The following TMPRSS15 variants were observed in gnomAD, a reference collection of about 807,000 sequenced individuals.
TMPRSS15 encodes enteropeptidase.
A neutral mutation model predicts 125.3 loss-of-function variants in TMPRSS15; 128 were observed. The observed-to-expected ratio is 1.02, with a 90% CI of 0.89 to 1.18. TMPRSS15 has a LOEUF of 1.18. Ranked by LOEUF, TMPRSS15 falls within the 50% of genes most tolerant of loss-of-function variation. The pLI is 0.00. For synonymous variants in TMPRSS15, 446 were observed against 423.2 expected (o/e 1.05, Z -0.66); for missense variants, 1,283 against 1,212.7 (o/e 1.06, Z -0.86).
At chr21:18,418,059 C>T (rs1425253918) in intron 1 of TMPRSS15, among the ~76,000 whole-genome samples, 1 of 152,188 alleles carries the variant, frequency 6.6e-6, no homozygotes, top group East Asian at 1.9e-4. Context: ...TGGTCTCTTT[C>T]TTCAGCTAAA....
chr21:18,271,318 T>G (rs971945831), intron 24 of TMPRSS15, among the ~76,000 whole-genome samples: 1 of 152,230 alleles, frequency 6.6e-6, no homozygotes, highest in Non-Finnish European at 1.5e-5. Flanking sequence ...AAACTTCAGC[T>G]GTTTGGATAT....
At chr21:18,369,973 C>CAAA (rs148057792) in intron 6 of TMPRSS15, among the ~76,000 whole-genome samples, 22,025 of 135,864 alleles carry the variant, frequency 0.16, 1,949 homozygotes, top group Non-Finnish European at 0.18. Context: ...CTTACTTAAA[C>CAAA]GAAAAAAAAA....
chr21:18,325,829 C>CAT (rs1355507576), intron 16 of TMPRSS15, among the ~76,000 whole-genome samples: 2 of 151,422 alleles, frequency 1.3e-5, no homozygotes, highest in Admixed American at 6.6e-5. Context: ...CACATATATC[C>CAT]ATATATATAC....
intron 1 of TMPRSS15, among the ~76,000 whole-genome samples, chr21:18,444,022 C>CTCCTCTTAT (rs1478816622): frequency 2.6e-5 from 4 of 152,132 alleles, no homozygotes; most frequent in Non-Finnish European, 4.4e-5. Flanking sequence ...CAGGCACAGC[C>CTCCTCTTAT]TCCTCTTATT....
chr21:18,326,401 A>G, intron 16 of TMPRSS15, 31 bp downstream of exon 16: 1 of 1,614,050 alleles, frequency 6.2e-7, no homozygotes. Context: ...TCCAAAAGTT[A>G]TGATGCAATG....
chr21:18,473,134 C>T (rs1978812507), intron 1 of TMPRSS15, among the ~76,000 whole-genome samples: 1 of 152,064 alleles, frequency 6.6e-6, no homozygotes, highest in East Asian at 1.9e-4. Context: ...AGCTGAGTTC[C>T]TGGAGTAGCA....
chr21:18,305,261 T>G (rs950342040), intron 18 of TMPRSS15, among the ~76,000 whole-genome samples: 1 of 141,014 alleles, frequency 7.1e-6, no homozygotes, highest in Non-Finnish European at 1.5e-5. Flanking sequence ...CGATCTCGGC[T>G]CACTGCAAGC....
intron 1 of TMPRSS15, among the ~76,000 whole-genome samples, chr21:18,448,042 A>T (rs991640635): frequency 1.3e-5 from 2 of 152,314 alleles, no homozygotes; most frequent in East Asian, 3.9e-4. Flanking sequence ...AGCCATTATA[A>T]ACAGTAGTAT....
At chr21:18,461,393 C>T (rs1224521788) in intron 1 of TMPRSS15, among the ~76,000 whole-genome samples, 9 of 152,036 alleles carry the variant, frequency 5.9e-5, no homozygotes, top group Admixed American at 6.6e-5. Context: ...CCTGGAAATA[C>T]TCATTGTCTC....
intron 1 of TMPRSS15, among the ~76,000 whole-genome samples, chr21:18,467,414 T>C (rs2123279670): frequency 6.6e-6 from 1 of 151,352 alleles, no homozygotes; most frequent in African/African-American, 2.4e-5. Flanking sequence ...ATAATAATAA[T>C]AATAATAATA....
At chr21:18,388,267 G>A (rs1034919507) in intron 3 of TMPRSS15, among the ~76,000 whole-genome samples, 3 of 152,062 alleles carry the variant, frequency 2.0e-5, no homozygotes, top group Non-Finnish European at 2.9e-5. Context: ...GTCTGGGCAC[G>A]GTACTGGCCT....
rs1184739411 is a variant in TMPRSS15, at chr21:18,269,412, T to C, written c.*557A>G. On this transcript the variant is annotated 3_prime_UTR_variant, in exon 25 of 25. Coordinates refer to ENST00000284885, the MANE Select transcript of TMPRSS15 (RefSeq NM_002772.3). ...ATCAATTTAGTCCAGGCCTGTGACA[T>C]AAGCTTACAATAAATAGTTTCTATT... 1 of 152,900 alleles carries C rather than the reference T, an allele frequency of 6.5e-6. No individual in the cohort carries two copies. The highest frequency in any genetic ancestry group is 2.4e-5 in the African/African-American group (1 of 41,462). 9.5% of individuals were successfully genotyped at this position (152,900 alleles called of 1,614,324 possible). A position where few individuals can be genotyped will look rare whatever the true frequency, so the allele number is the denominator to read the frequency against.
At chr21:18,474,026 A>T (rs1978829295) in intron 1 of TMPRSS15, among the ~76,000 whole-genome samples, 1 of 152,112 alleles carries the variant, frequency 6.6e-6, no homozygotes, top group African/African-American at 2.4e-5. Flanking sequence ...CAAAGACTAG[A>T]AGCTAGTGAT....
At chr21:18,280,585 A>AC in intron 22 of TMPRSS15, among the ~76,000 whole-genome samples, 2 of 148,406 alleles carry the variant, frequency 1.3e-5, no homozygotes, top group African/African-American at 5.2e-5. Context: ...CAAAAAAAAA[A>AC]AAAAAAAAAA....
In TMPRSS15 at chr21:18,343,971, C is replaced by G; in HGVS notation, c.1261G>C (p.Ala421Pro). Reference sequence around the variant, plus strand: ...ACAACATACCAGAAACTAAGGCAAGCTGGCTCCAAAGTGGGGTCCAAAGGG... The same window carrying G: ...ACAACATACCAGAAACTAAGGCAAGGTGGCTCCAAAGTGGGGTCCAAAGGG... ...SLPLDPTLEP[A>P]CLSFWYHMYG... The change falls in exon 11 of 25, where the codon GCT becomes CCT. Residue 421 changes from alanine to proline, a missense_variant. Coordinates refer to ENST00000284885, the MANE Select transcript of TMPRSS15 (RefSeq NM_002772.3). 2 of 1,614,078 alleles carry G rather than the reference C, an allele frequency of 1.2e-6. No individual in the cohort carries two copies. The highest frequency in any genetic ancestry group is 1.7e-6 in the Non-Finnish European group (2 of 1,179,972).
rs1221929845 is a variant in TMPRSS15, at chr21:18,269,319, C to G, written c.*650G>C. On this transcript the variant is annotated 3_prime_UTR_variant, in exon 25 of 25. Coordinates refer to ENST00000284885, the MANE Select transcript of TMPRSS15 (RefSeq NM_002772.3). ...CTTGAAATAAATAGGTAAAATTTAT[C>G]TAATATACAATGACTATATCAGTTA... 1 of 152,088 alleles carries G rather than the reference C, an allele frequency of 6.6e-6. No homozygotes were observed. The highest frequency in any genetic ancestry group is 1.5e-5 in the Non-Finnish European group (1 of 68,012). The allele number at this position is 152,088 out of a possible 1,614,324, so 9.4% of individuals were successfully genotyped here. A position where few individuals can be genotyped will look rare whatever the true frequency, so the allele number is the denominator to read the frequency against.
At chr21:18,345,664 C>G (rs1410905884) in intron 10 of TMPRSS15, among the ~76,000 whole-genome samples, 1 of 127,702 alleles carries the variant, frequency 7.8e-6, no homozygotes, top group African/African-American at 2.9e-5. Flanking sequence ...TGACGTGAAC[C>G]CGGGAGGTGG....
At chr21:18,315,283 A>G (rs1217364316) in intron 16 of TMPRSS15, 27 bp from the exon 17 acceptor site, 6 of 1,571,756 alleles carry the variant, frequency 3.8e-6, no homozygotes, top group Middle Eastern at 1.7e-4. Flanking sequence ...TTTATTGTAT[A>G]GGATAAAGAA....
intron 1 of TMPRSS15, among the ~76,000 whole-genome samples, chr21:18,475,130 C>T (rs1247463278): frequency 6.6e-6 from 1 of 152,056 alleles, no homozygotes; most frequent in Non-Finnish European, 1.5e-5. Flanking sequence ...AATTAATATG[C>T]AGTAATGTAT....
Sources: gnomAD v4.1 joint callset for allele counts (sites outside exome capture counted in the v4.1 genomes callset) on GRCh38, gnomAD v4.1.1 for gene constraint, MANE v1.5 for transcripts, NCBI Gene and HGNC (gene_info 2026-07-23, HGNC 2026-07-21) for gene names.